Variants in HIP1 observed in about 807,000 individuals in gnomAD.
HIP1 encodes the protein huntingtin interacting protein 1.
HIP1 carries 65 observed loss-of-function variants against 147.6 expected under a neutral mutation model. That is an observed-to-expected ratio of 0.44 (90% CI 0.36 to 0.54). The LOEUF (loss-of-function observed/expected upper bound fraction) is 0.54. Among genes scored for constraint, HIP1 ranks in the 20% least tolerant of loss-of-function variants. The pLI, the probability that HIP1 is intolerant of heterozygous loss-of-function variation, is 0.00. For synonymous variants in HIP1, 479 were observed against 504.0 expected (o/e 0.95, Z 0.67); for missense variants, 1,061 against 1,299.6 (o/e 0.82, Z 2.82).
intron 12 of HIP1, 69 bp downstream of exon 12, chr7:75,562,004 A>T: frequency 1.1e-6 from 1 of 870,022 alleles, no homozygotes; most frequent in Non-Finnish European, 2.0e-6. Flanking sequence ...CTCTTTGGTT[A>T]GTGTTTTGAG....
chr7:75,724,238 C>A (rs1554522101), intron 1 of HIP1, among the ~76,000 whole-genome samples: 1 of 146,182 alleles, frequency 6.8e-6, no homozygotes, highest in East Asian at 1.9e-4. Flanking sequence ...CAGGCGTGAG[C>A]CACCGCGCCC....
chr7:75,546,322 A>G (rs1794561447), intron 25 of HIP1, among the ~76,000 whole-genome samples: 1 of 152,182 alleles, frequency 6.6e-6, no homozygotes, highest in Non-Finnish European at 1.5e-5. Context: ...GAAACAGAAA[A>G]CATCAGCTCT....
At chr7:75,571,214 A>G (rs1392947003) in intron 8 of HIP1, among the ~76,000 whole-genome samples, 1 of 152,006 alleles carries the variant, frequency 6.6e-6, no homozygotes, top group African/African-American at 2.4e-5. Flanking sequence ...GGTGTGCACC[A>G]CCATGCCCAG....
chr7:75,589,500 C>G (rs369606798), intron 4 of HIP1, among the ~76,000 whole-genome samples: 3 of 151,708 alleles, frequency 2.0e-5, no homozygotes, highest in Non-Finnish European at 4.4e-5. Flanking sequence ...GCCTGGCCAA[C>G]ATGGCAAAAC....
At chr7:75,709,175 C>T (rs373250725) in intron 1 of HIP1, among the ~76,000 whole-genome samples, 41 of 149,912 alleles carry the variant, frequency 2.7e-4, no homozygotes, top group African/African-American at 3.0e-4. Context: ...TGCAATGGCC[C>T]GGTCTTGGCT....
chr7:75,710,177 C>T (rs190557202), intron 1 of HIP1, among the ~76,000 whole-genome samples: 100 of 152,180 alleles, frequency 6.6e-4, no homozygotes, highest in African/African-American at 2.4e-3. Flanking sequence ...GGATTACAGG[C>T]GTGAGCCACT....
intron 1 of HIP1, among the ~76,000 whole-genome samples, chr7:75,686,843 C>CTTTTTTTTTTTTT (rs55942242): frequency 3.7e-5 from 3 of 80,138 alleles, no homozygotes; most frequent in African/African-American, 5.2e-5. Context: ...TATTTTAGTT[C>CTTTTTTTTTTTTT]TTTTTTTTTT....
At chr7:75,715,774 CAAA>C (rs34769081) in intron 1 of HIP1, among the ~76,000 whole-genome samples, 26 of 36,700 alleles carry the variant, frequency 7.1e-4, no homozygotes, top group Admixed American at 1.6e-3. Context: ...GATCCTGTCT[CAAA>C]AAAAAAAAAA....
chr7:75,595,295 T>TTTCTCTCTTTCTTTCTTA (rs1796695984), intron 2 of HIP1, among the ~76,000 whole-genome samples: 1 of 140,942 alleles, frequency 7.1e-6, no homozygotes, highest in African/African-American at 2.7e-5. Context: ...TTTCTTTCTT[T>TTTCTCTCTTTCTTTCTTA]CTCTCTCTCC....
chr7:75,568,113 G>T lies in HIP1; in HGVS notation c.803+86C>A. 1.0e-6 allele frequency: 1 copy of T among 975,230 alleles called. No individual in the cohort carries two copies. Among genetic ancestry groups the T allele is most frequent in the Non-Finnish European group, 1.7e-6 (1 of 601,540 alleles). The allele number at this position is 975,230 out of a possible 1,614,324, so 60.4% of individuals were successfully genotyped here. A position where few individuals can be genotyped will look rare whatever the true frequency, so the allele number is the denominator to read the frequency against. ...TTACAGGCATGAACCACTGTGTCCA[G>T]CCACCTCTCACAGTGCACTTGCATG... On this transcript the variant is annotated intron_variant, in intron 9 of 30. Coordinates refer to ENST00000336926, the MANE Select transcript of HIP1 (RefSeq NM_005338.7). The surrounding 1 kb of genome is among the most constrained non-coding windows in gnomAD (Gnocchi z 4.1).
intron 1 of HIP1, among the ~76,000 whole-genome samples, chr7:75,609,135 G>T (rs1797333330): frequency 6.6e-6 from 1 of 152,222 alleles, no homozygotes; most frequent in Admixed American, 6.5e-5. Flanking sequence ...CTCTGCCTGA[G>T]CTTGCCAGGA....
intron 1 of HIP1, among the ~76,000 whole-genome samples, chr7:75,696,550 CCCTCCCCTCCCTTCCCCTCG>C (rs1800642264): frequency 1.0e-5 from 1 of 95,854 alleles, no homozygotes; most frequent in African/African-American, 4.0e-5. Context: ...CCTTCCCTTC[CCCTCCCCTCCCTTCCCCTCG>C]CCTCCCCTCC....
intron 1 of HIP1, among the ~76,000 whole-genome samples, chr7:75,706,779 C>T (rs1370750569): frequency 1.0e-5 from 1 of 99,352 alleles, no homozygotes; most frequent in Non-Finnish European, 2.0e-5. Flanking sequence ...CTATCCCTCC[C>T]CCCTCCCCCG....
chr7:75,663,926 G>GTGTGTGTATATATATATACACATA (rs1799395270), intron 1 of HIP1, among the ~76,000 whole-genome samples: 4 of 85,614 alleles, frequency 4.7e-5, no homozygotes. Context: ...ATTATTTTAT[G>GTGTGTGTATATATATATACACATA]TATGTGTGTA....
rs1047785540 is a variant in HIP1 at position 75,722,547 on chromosome 7, T to C, written c.120+16254A>G. ...GGCTCCTCTGCAGCCAAACCCAGAA[T>C]GCTGGGACATTCCAGACCACCACCA... On this transcript the variant is annotated intron_variant, in intron 1 of 30. Transcript: ENST00000336926. 5.3e-5 allele frequency among the ~76,000 whole-genome samples: 8 copies of C among 152,230 alleles called. No individual in the cohort carries two copies. The East Asian group carries it at 1.4e-3, about 26-fold the overall frequency.
At chr7:75,546,354 C>T (rs1794562249) in intron 25 of HIP1, among the ~76,000 whole-genome samples, 1 of 152,194 alleles carries the variant, frequency 6.6e-6, no homozygotes, top group Non-Finnish European at 1.5e-5. Flanking sequence ...AAGGCACCAG[C>T]AAAGCAGGCC....
intron 1 of HIP1, among the ~76,000 whole-genome samples, chr7:75,637,520 C>A (rs1394392245): frequency 6.7e-6 from 1 of 149,086 alleles, no homozygotes; most frequent in Non-Finnish European, 1.5e-5. Context: ...TCTCCACCCC[C>A]ATAGCTGCAG....
chr7:75,543,456 A>G (rs1259963106), intron 27 of HIP1, among the ~76,000 whole-genome samples: 2 of 152,034 alleles, frequency 1.3e-5, no homozygotes, highest in Non-Finnish European at 2.9e-5. Context: ...GGTTCAAGCA[A>G]TTCTCCTGCC....
rs587681991 is a variant in HIP1 at position 75,632,390 on chromosome 7, C to A, written c.121-33143G>T. Among the ~76,000 whole-genome samples, 96 of 152,056 alleles carry A rather than the reference C, an allele frequency of 6.3e-4. No homozygotes were observed. In the Middle Eastern group the frequency reaches 0.014, roughly 22 times the overall value. On this transcript the variant is annotated intron_variant, in intron 1 of 30. Transcript: ENST00000336926. ...AAGATAGTAATCCACAAATGGTAAACCAAAAATTCTTTTCTCCTAAGCAAT... is the reference window on the plus strand; with the variant it reads ...AAGATAGTAATCCACAAATGGTAAAACAAAAATTCTTTTCTCCTAAGCAAT...
Sources: gnomAD v4.1 joint callset for allele counts (sites outside exome capture counted in the v4.1 genomes callset) on GRCh38, gnomAD v4.1.1 for gene constraint, Gnocchi (gnomAD v3.1) non-coding constraint, MANE v1.5 for transcripts, NCBI Gene and HGNC (gene_info 2026-07-23, HGNC 2026-07-21) for gene names.